The following CSMD2 variants were observed in gnomAD, a reference collection of about 807,000 sequenced individuals.
The protein encoded by CSMD2 is CUB and sushi domain-containing protein 2.
A neutral mutation model predicts 398.5 loss-of-function variants in CSMD2; 130 were observed. That is an observed-to-expected ratio of 0.33 (90% CI 0.28 to 0.38). The LOEUF (loss-of-function observed/expected upper bound fraction) is 0.38. Ranked by LOEUF, CSMD2 falls within the 10% of genes least tolerant of loss-of-function variation. The probability of loss-of-function intolerance (pLI) is 1.00; values close to 1 mark genes in which losing one functional copy is unlikely to be tolerated. For synonymous variants in CSMD2, 1,828 were observed against 1,908.5 expected, an observed-to-expected ratio of 0.96 and a Z score of 1.10; for missense variants, 3,829 against 4,764.9, an observed-to-expected ratio of 0.80 and a Z score of 5.78.
chr1:34,161,041 A>G (rs1641279165), intron 1 of CSMD2, among the ~76,000 whole-genome samples: 1 of 152,236 alleles, frequency 6.6e-6, no homozygotes. Context: ...CAAGGAAAGT[A>G]GCTAGGTTCG....
intron 1 of CSMD2, among the ~76,000 whole-genome samples, chr1:34,109,592 C>G (rs978013478): frequency 6.6e-6 from 1 of 152,014 alleles, no homozygotes; most frequent in Non-Finnish European, 1.5e-5. Flanking sequence ...AGTAAACAGA[C>G]AACCTAAAGA....
At chr1:33,610,912 T>C (rs1198211432) in intron 41 of CSMD2, 129 bp downstream of exon 41, 3 of 807,978 alleles carry the variant, frequency 3.7e-6, no homozygotes, top group South Asian at 3.4e-5. Flanking sequence ...CTTCCCTGAC[T>C]GGGCCTGCCA....
chr1:33,962,614 C>T (rs1048170422), intron 3 of CSMD2, among the ~76,000 whole-genome samples: 2 of 152,168 alleles, frequency 1.3e-5, no homozygotes, highest in South Asian at 2.1e-4. Context: ...GCCTGCAGGG[C>T]CCCAGGTGAG....
chr1:33,707,693 GCGCA>G lies in CSMD2; in HGVS notation c.3576+1392_3576+1395del, dbSNP rs1445367591. On this transcript the variant is annotated intron_variant, in intron 22 of 70. Coordinates refer to ENST00000373381, the MANE Select transcript of CSMD2 (RefSeq NM_001281956.2). ...CACGCACGCGTGCACACGCGCGCGC[GCGCA>G]CACACACACACACACACACACACAC... Among the ~76,000 whole-genome samples the G allele has an allele frequency of 6.1e-3, 288 of 46,926 alleles. 2 individuals carry two copies. Among genetic ancestry groups the G allele is most frequent in the East Asian group, 0.012 (19 of 1,526 alleles). 30.8% of individuals were successfully genotyped at this position (46,926 alleles called of 152,430 possible).
At chr1:33,560,687 C>T (rs971208248) in intron 53 of CSMD2, among the ~76,000 whole-genome samples, 6 of 152,250 alleles carry the variant, frequency 3.9e-5, no homozygotes, top group South Asian at 2.1e-4. Flanking sequence ...TCTGCTCAAC[C>T]TCTCTCCATA....
chr1:33,817,759 T>C (rs1657638686), intron 9 of CSMD2, among the ~76,000 whole-genome samples: 1 of 152,200 alleles, frequency 6.6e-6, no homozygotes. Context: ...TCACCACTTT[T>C]TGGCAGGAAA....
upstream of CSMD2, chr1:34,165,764 T>A: frequency 6.2e-7 from 1 of 1,614,008 alleles, no homozygotes; most frequent in Non-Finnish European, 8.5e-7. Flanking sequence ...TCTTGGGTGG[T>A]GGCTTTGAAC....
At chr1:33,587,456 A>G (rs1297628058) in intron 44 of CSMD2, among the ~76,000 whole-genome samples, 1 of 152,186 alleles carries the variant, frequency 6.6e-6, no homozygotes, top group Non-Finnish European at 1.5e-5. Flanking sequence ...CGTGGATATT[A>G]GGCGTTTTAT....
chr1:34,127,592 C>T (rs1662875350), intron 1 of CSMD2, among the ~76,000 whole-genome samples: 1 of 152,044 alleles, frequency 6.6e-6, no homozygotes, highest in South Asian at 2.1e-4. Flanking sequence ...CAGTGAGGTA[C>T]CAGGGTAGTC....
intron 29 of CSMD2, among the ~76,000 whole-genome samples, chr1:33,639,446 C>G (rs919134532): frequency 9.2e-5 from 14 of 152,316 alleles, no homozygotes; most frequent in Admixed American, 5.2e-4. Flanking sequence ...ATGCCACCTT[C>G]TCTCTGGCAG....
chr1:34,101,993 CTTTT>C (rs1659994973), intron 1 of CSMD2, among the ~76,000 whole-genome samples: 1 of 150,748 alleles, frequency 6.6e-6, no homozygotes, highest in African/African-American at 2.4e-5. Flanking sequence ...TGGTTGTGTG[CTTTT>C]TGTTTTGTTT....
intron 43 of CSMD2, among the ~76,000 whole-genome samples, chr1:33,601,332 A>G (rs1640203817): frequency 6.6e-6 from 1 of 152,140 alleles, no homozygotes; most frequent in African/African-American, 2.4e-5. Context: ...CTGGGGCAGC[A>G]CTAGGACAGG....
At chr1:33,638,404 G>A (rs1163353156) in intron 29 of CSMD2, among the ~76,000 whole-genome samples, 2 of 152,216 alleles carry the variant, frequency 1.3e-5, no homozygotes, top group Non-Finnish European at 2.9e-5. Flanking sequence ...AGTTCACACA[G>A]CTCATAAGAG....
intron 25 of CSMD2, among the ~76,000 whole-genome samples, chr1:33,692,414 G>T (rs761720881): frequency 2.0e-5 from 3 of 152,214 alleles, no homozygotes; most frequent in Non-Finnish European, 4.4e-5. Context: ...GAAGCAATCT[G>T]CCAGGGGCCA....
chr1:34,139,994 C>G (rs978280893), intron 1 of CSMD2, among the ~76,000 whole-genome samples: 1 of 152,078 alleles, frequency 6.6e-6, no homozygotes, highest in African/African-American at 2.4e-5. Flanking sequence ...TAACTAATGG[C>G]CTACTATTTG....
chr1:33,602,412 T>C lies in CSMD2; in HGVS notation c.6667A>G (p.Ser2223Gly). ...PIGHGVRLNL[S>G]LLQTEPSGDF... ...CCAGAGGGCTCTGTCTGCAGCAGGCTGAGGTTGAGGCGGACGCCATGGCCA... is the reference window on the plus strand; with the variant it reads ...CCAGAGGGCTCTGTCTGCAGCAGGCCGAGGTTGAGGCGGACGCCATGGCCA... The change falls in exon 43 of 71, where the codon AGC becomes GGC. Residue 2223 changes from serine (S) to glycine (G), a missense_variant. Ser to Gly is a moderately conservative substitution (Grantham distance 56, BLOSUM62 0). This residue lies in a region of CSMD2 where 723 missense variants were observed against 758.6 expected (regional missense o/e 0.95). Coordinates refer to ENST00000373381, the MANE Select transcript of CSMD2 (RefSeq NM_001281956.2). The C allele has an allele frequency of 6.2e-6, 10 of 1,613,848 alleles. No individual in the cohort carries two copies. The highest frequency in any genetic ancestry group is 8.5e-6 in the Non-Finnish European group (10 of 1,179,942).
At position 33,586,612 on chromosome 1, in the gene CSMD2, T is replaced by C. The variant is rs763084263; in HGVS notation, c.6943A>G (p.Ile2315Val). The change falls in exon 46 of 71, where the codon ATC becomes GTC. Residue 2315 changes from isoleucine (I) to valine (V), a missense_variant. Coordinates refer to ENST00000373381, the MANE Select transcript of CSMD2 (RefSeq NM_001281956.2). ...TENEEFNIGD[I>V]VRYRCLPGFT... ...CCAGGGAGGCATCTGTAGCGTACGA[T>C]GTCACCTGTCAAAGAAAGACCAACA... The C allele has an allele frequency of 4.4e-6, 7 of 1,607,542 alleles. No individual in the cohort carries two copies. The South Asian group carries it at 7.7e-5, about 18-fold the overall frequency.
At chr1:33,784,349 A>G (rs1653234217) in intron 12 of CSMD2, among the ~76,000 whole-genome samples, 1 of 151,786 alleles carries the variant, frequency 6.6e-6, no homozygotes, top group Non-Finnish European at 1.5e-5. Context: ...GGTGCCGGGG[A>G]CTCAACCCAC....
chr1:33,677,850 T>G (rs1452921817), intron 25 of CSMD2, among the ~76,000 whole-genome samples: 1 of 149,764 alleles, frequency 6.7e-6, no homozygotes, highest in Non-Finnish European at 1.5e-5. Context: ...CAGCAAACTA[T>G]CACAAGGACA....
Sources: allele counts gnomAD v4.1 joint callset (sites outside exome capture counted in the v4.1 genomes callset), GRCh38; gene constraint gnomAD v4.1.1; regional missense constraint gnomAD v4.1.1; transcripts MANE v1.5; gene names NCBI Gene and HGNC (gene_info 2026-07-23, HGNC 2026-07-21).